Variants in SH3KBP1 observed in about 807,000 individuals in gnomAD.
SH3KBP1 encodes SH3 domain-containing kinase-binding protein 1.
A neutral mutation model predicts 50.1 loss-of-function variants in SH3KBP1; 8 were observed. That is an observed-to-expected ratio of 0.16 (90% CI 0.09 to 0.29). The LOEUF is 0.29. SH3KBP1 is among the 10% of genes least tolerant of loss of function. The pLI, the probability that SH3KBP1 is intolerant of heterozygous loss-of-function variation, is 1.00. For missense variants in SH3KBP1, 377 were observed against 535.2 expected, an observed-to-expected ratio of 0.70 and a Z score of 2.92; for synonymous variants, 227 against 218.6, an observed-to-expected ratio of 1.04 and a Z score of -0.34.
At chrX:19,675,968 G>A (rs1397868719) in intron 6 of SH3KBP1, among the ~76,000 whole-genome samples, 1 of 111,751 alleles carries the variant, frequency 8.9e-6, no homozygotes, top group Non-Finnish European at 1.9e-5. Flanking sequence ...TCTGAGGAGA[G>A]AGAAGCCAAA....
At chrX:19,587,982 G>A (rs1569314389) in intron 12 of SH3KBP1, among the ~76,000 whole-genome samples, 2 of 112,486 alleles carry the variant, frequency 1.8e-5, no homozygotes, top group Admixed American at 1.9e-4. Flanking sequence ...CTTGCTCTGT[G>A]GTAGGTATCT....
At chrX:19,644,239 A>G (rs1187974244) in intron 7 of SH3KBP1, among the ~76,000 whole-genome samples, 1 of 111,767 alleles carries the variant, frequency 8.9e-6, no homozygotes, top group Non-Finnish European at 1.9e-5. Context: ...GCTGGGGGGT[A>G]GGAGGGATGG....
chrX:19,828,570 G>C (rs1055379816), intron 2 of SH3KBP1, among the ~76,000 whole-genome samples: 6 of 110,257 alleles, frequency 5.4e-5, no homozygotes, highest in African/African-American at 2.0e-4. Flanking sequence ...TCACTTGAGC[G>C]CAGGAGTTGG....
At position 19,827,884 on chromosome X, in the gene SH3KBP1, A is replaced by G. The variant is rs1465746839; in HGVS notation, c.162+8241T>C. ...TATTATGGTCTGTCATGGTCTGTTAAACAAAAAAACAAACAAACAAACAAA... is the reference window on the plus strand; with the variant it reads ...TATTATGGTCTGTCATGGTCTGTTAGACAAAAAAACAAACAAACAAACAAA... On this transcript the variant is annotated intron_variant, in intron 2 of 17. Coordinates refer to ENST00000397821, the MANE Select transcript of SH3KBP1 (RefSeq NM_031892.3). 1.5e-4 allele frequency among the ~76,000 whole-genome samples: 12 copies of G among 77,607 alleles called. No homozygotes were observed. The African/African-American group carries it at 1.5e-3, about 10-fold the overall frequency. 67.4% of individuals were successfully genotyped at this position (77,607 alleles called of 115,157 possible). A position where few individuals can be genotyped will look rare whatever the true frequency, so the allele number is the denominator to read the frequency against.
At chrX:19,831,917 C>T (rs1337878154) in intron 2 of SH3KBP1, among the ~76,000 whole-genome samples, 1 of 110,978 alleles carries the variant, frequency 9.0e-6, no homozygotes, top group East Asian at 2.8e-4. Context: ...AATATGATTA[C>T]TATTACTTAA....
rs758498470 is a variant in SH3KBP1, at chrX:19,544,125, G to C, written c.1623+1797C>G. Among the ~76,000 whole-genome samples the C allele has an allele frequency of 3.6e-5, 4 of 110,858 alleles. No individual in the cohort carries two copies. In the South Asian group the frequency reaches 1.5e-3, roughly 42 times the overall value. ...AGGCTGTGCTAGAGGGAGAGACTGG[G>C]CAGAGAAAGCCAAAAGCAGATGGGC... is the stretch of plus-strand genomic sequence containing the variant. On this transcript the variant is annotated intron_variant, in intron 15 of 17. Transcript: ENST00000397821.
chrX:19,782,831 G>A (rs2066221197), intron 2 of SH3KBP1, among the ~76,000 whole-genome samples: 1 of 111,545 alleles, frequency 9.0e-6, no homozygotes, highest in African/African-American at 3.3e-5. Flanking sequence ...AACAGGTCAG[G>A]TGCGGTGGCT....
intron 15 of SH3KBP1, among the ~76,000 whole-genome samples, chrX:19,544,394 G>A (rs1242021850): frequency 1.8e-5 from 2 of 110,163 alleles, no homozygotes; most frequent in African/African-American, 6.6e-5. Context: ...GCTTAGAGAA[G>A]TGGCTGAGTA....
intron 1 of SH3KBP1, among the ~76,000 whole-genome samples, chrX:19,841,646 TC>T (rs1253521508): frequency 6.3e-5 from 7 of 111,669 alleles, no homozygotes. Flanking sequence ...CCAAAAAAGA[TC>T]ATGAGTACTG....
At chrX:19,759,037 T>G (rs1285398245) in intron 2 of SH3KBP1, among the ~76,000 whole-genome samples, 1 of 112,377 alleles carries the variant, frequency 8.9e-6, no homozygotes, top group Non-Finnish European at 1.9e-5. Context: ...GAAACAGAAT[T>G]GCATCTTCAT....
At chrX:19,813,309 C>T (rs1041003084) in intron 2 of SH3KBP1, among the ~76,000 whole-genome samples, 11 of 109,311 alleles carry the variant, frequency 1.0e-4, no homozygotes, top group Admixed American at 3.9e-4. Context: ...TAGAGCCTGG[C>T]CATTTCTGCC....
chrX:19,673,022 C>T (rs1213150280), intron 6 of SH3KBP1, among the ~76,000 whole-genome samples: 2 of 96,837 alleles, frequency 2.1e-5, no homozygotes, highest in African/African-American at 7.8e-5. Context: ...GCCGAGATGG[C>T]GCCACTGCAC....
chrX:19,637,063 C>T (rs778096946), intron 7 of SH3KBP1, among the ~76,000 whole-genome samples: 37 of 112,256 alleles, frequency 3.3e-4, no homozygotes, highest in Middle Eastern at 4.2e-3. Flanking sequence ...GTTGGTAATC[C>T]CTCACTCAGA....
chrX:19,599,351 ACAGAG>A (rs748451855), intron 9 of SH3KBP1, among the ~76,000 whole-genome samples: 7 of 112,763 alleles, frequency 6.2e-5, no homozygotes, highest in Non-Finnish European at 9.4e-5. Flanking sequence ...ATGAAATGTG[ACAGAG>A]CAGAGCAGAG....
At chrX:19,636,036 A>C (rs770192747) in intron 7 of SH3KBP1, among the ~76,000 whole-genome samples, 5 of 110,955 alleles carry the variant, frequency 4.5e-5, no homozygotes, top group Non-Finnish European at 9.4e-5. Context: ...ACAGAGTTGG[A>C]GAAGAAGGGA....
At chrX:19,674,692 T>C (rs1398069125) in intron 6 of SH3KBP1, among the ~76,000 whole-genome samples, 1 of 112,410 alleles carries the variant, frequency 8.9e-6, no homozygotes, top group East Asian at 2.8e-4. Context: ...TTCTAGTGGC[T>C]GACATTTAAG....
At chrX:19,611,974 A>C (rs903879245) in intron 8 of SH3KBP1, among the ~76,000 whole-genome samples, 6 of 108,353 alleles carry the variant, frequency 5.5e-5, no homozygotes, top group Non-Finnish European at 9.6e-5. Flanking sequence ...AAAAAAAAAA[A>C]AAAACAAGAA....
intron 1 of SH3KBP1, among the ~76,000 whole-genome samples, chrX:19,883,735 A>G (rs2069508611): frequency 8.9e-6 from 1 of 111,948 alleles, no homozygotes; most frequent in African/African-American, 3.3e-5. Context: ...GAACACGGAC[A>G]AAACATGCAC....
chrX:19,805,060 C>G (rs1394501134), intron 2 of SH3KBP1, among the ~76,000 whole-genome samples: 11 of 110,129 alleles, frequency 1.0e-4, no homozygotes, highest in African/African-American at 3.6e-4. Flanking sequence ...TCAAAATTCA[C>G]ATTCCAGTTT....
Sources: allele counts gnomAD v4.1 joint callset (sites outside exome capture counted in the v4.1 genomes callset), GRCh38; gene constraint gnomAD v4.1.1; transcripts MANE v1.5; gene names NCBI Gene and HGNC (gene_info 2026-07-23, HGNC 2026-07-21).